Variants in DDX60 observed in about 807,000 individuals in gnomAD.
DDX60 encodes probable ATP-dependent RNA helicase DDX60.
Under a neutral mutation model 212.8 loss-of-function variants are expected in DDX60, and 165 were observed. That is an observed-to-expected ratio of 0.78 (90% confidence interval 0.68 to 0.88). The LOEUF (loss-of-function observed/expected upper bound fraction) is 0.88, where lower values mean the gene tolerates loss of function less well. Ranked by LOEUF, DDX60 falls within the 40% of genes least tolerant of loss-of-function variation. The probability of loss-of-function intolerance (pLI) is 0.00; values close to 1 mark genes in which losing one functional copy is unlikely to be tolerated. For synonymous variants in DDX60, 703 were observed against 685.3 expected (o/e 1.03, Z -0.40); for missense variants, 1,905 against 2,003.9 (o/e 0.95, Z 0.94).
At chr4:168,233,279 C>A (rs910894405) in intron 33 of DDX60, among the ~76,000 whole-genome samples, 12 of 152,128 alleles carry the variant, frequency 7.9e-5, no homozygotes, top group South Asian at 4.1e-4. Context: ...ACTAGTACAA[C>A]CACCAGGGAA....
chr4:168,223,832 A>T (rs11725989), intron 35 of DDX60, among the ~76,000 whole-genome samples: 8,840 of 152,138 alleles, frequency 0.058, 447 homozygotes, highest in East Asian at 0.15. Context: ...CATTCAAATG[A>T]ATTAGCCAGG....
rs767997929 is a variant in DDX60 at position 168,285,497 on chromosome 4, G to A, written c.1341C>T (p.Asp447=). 1 of 1,594,262 alleles carries A rather than the reference G, an allele frequency of 6.3e-7. No individual in the cohort carries two copies. The highest frequency in any genetic ancestry group is 8.5e-7 in the Non-Finnish European group (1 of 1,171,326). ...FLEKKPSPIK[D]SSNEMVPNLG... ...AATTGGGCACCATTTCATTGGAGCT[G>A]TCTGTAAACAAACAAAAAAAAATTG... Residue 447 remains aspartate (D), a splice_region_variant and synonymous_variant, in exon 11 of 38, where the codon GAC becomes GAT. Coordinates refer to ENST00000393743, the MANE Select transcript of DDX60 (RefSeq NM_017631.6).
chr4:168,267,270 A>G (rs1360392475), intron 22 of DDX60, among the ~76,000 whole-genome samples: 3 of 152,204 alleles, frequency 2.0e-5, no homozygotes, highest in Admixed American at 6.5e-5. Context: ...AGAGGGGTAG[A>G]CAGACAGACA....
rs140215594 is a variant in DDX60 at position 168,218,121 on chromosome 4, A to T, written c.5040-1089T>A. On this transcript the variant is annotated intron_variant, in intron 37 of 37. Coordinates refer to ENST00000393743, the MANE Select transcript of DDX60 (RefSeq NM_017631.6). ...TATTATTTGCCCCTACCTTGTTTCC[A>T]CTAGAGTTCCAGTTATTTTCGAGTG... Among the ~76,000 whole-genome samples the T allele has an allele frequency of 9.9e-5, 15 of 152,246 alleles. No individual in the cohort carries two copies. The East Asian group carries it at 2.3e-3, about 24-fold the overall frequency.
chr4:168,273,111 C>T (rs11725832), intron 18 of DDX60, among the ~76,000 whole-genome samples, 168 bp downstream of exon 18: 2,612 of 152,270 alleles, frequency 0.017, 126 homozygotes, highest in East Asian at 0.14. Context: ...CTAGTTCTCA[C>T]TCTTTGAAAT....
At chr4:168,315,103 T>C (rs187689266) in intron 1 of DDX60, among the ~76,000 whole-genome samples, 91 of 152,302 alleles carry the variant, frequency 6.0e-4, no homozygotes, top group African/African-American at 2.1e-3. Context: ...AGACAAGGTA[T>C]TTACCATCTC....
intron 19 of DDX60, among the ~76,000 whole-genome samples, chr4:168,269,315 T>C (rs886127979): frequency 6.6e-6 from 1 of 152,136 alleles, no homozygotes; most frequent in African/African-American, 2.4e-5. Flanking sequence ...AATAAAAATG[T>C]TGGCCGGGCA....
rs780709243 is a variant in DDX60 at position 168,246,442 on chromosome 4, A to G, written c.4140T>C (p.Asp1380=). The change falls in exon 30 of 38, where the codon GAT becomes GAC. Residue 1380 remains aspartate, a synonymous_variant. Transcript: ENST00000393743. ...CCTTTGCCTTGGCATCCTCTGGGTC[A>G]TCTCCCTTGGAAGCCAGCAGCATGA... ...LRLMLLASKG[D]DPEDAKAKVL... 7 of 1,614,002 alleles carry G rather than the reference A, an allele frequency of 4.3e-6. No homozygotes were observed. The highest frequency in any genetic ancestry group is 5.1e-6 in the Non-Finnish European group (6 of 1,179,970).
chr4:168,297,390 A>C (rs1736447601), intron 6 of DDX60, among the ~76,000 whole-genome samples: 5 of 129,914 alleles, frequency 3.8e-5, no homozygotes, highest in African/African-American at 6.3e-5. Flanking sequence ...AAGAGAAAGA[A>C]AGAAAGAAAG....
intron 6 of DDX60, among the ~76,000 whole-genome samples, chr4:168,297,323 AAAG>A (rs1736411815): frequency 5.6e-5 from 4 of 72,024 alleles, no homozygotes; most frequent in Admixed American, 5.2e-4. Flanking sequence ...AGAAAGAAAG[AAAG>A]AAAGAAAGAA....
chr4:168,280,568 G>A lies in DDX60; in HGVS notation c.1745C>T (p.Ala582Val), dbSNP rs755921950. The A allele has an allele frequency of 3.7e-6, 6 of 1,611,944 alleles. No individual in the cohort carries two copies. Among genetic ancestry groups the A allele is most frequent in the Non-Finnish European group, 4.2e-6 (5 of 1,179,490 alleles). ...KAHETKAEII[A>V]RENKKRLFAR... The stretch of plus-strand genomic sequence containing the variant: ...AAATAACCTTTTCTTATTCTCTCTA[G>A]CAATTATTTCAGCCTTGGTCTCCTG... The change falls in exon 14 of 38, where the codon GCT (alanine) becomes GTT (valine). Residue 582 changes from alanine (A) to valine (V), a missense_variant. By Grantham distance (64) the Ala-to-Val change is moderately conservative. Transcript: ENST00000393743.
chr4:168,257,735 A>G (rs1306807539), intron 25 of DDX60, among the ~76,000 whole-genome samples: 1 of 152,216 alleles, frequency 6.6e-6, no homozygotes, highest in African/African-American at 2.4e-5. Flanking sequence ...CAAAGAAAAA[A>G]TATCTCCAAA....
chr4:168,240,757 G>A (rs1733808632), intron 30 of DDX60, among the ~76,000 whole-genome samples: 1 of 152,204 alleles, frequency 6.6e-6, no homozygotes, highest in East Asian at 1.9e-4. Context: ...AATGGAACTG[G>A]ATCCTATCCT....
At position 168,224,327 on chromosome 4, in the gene DDX60, C is replaced by A. The variant is rs1275814530; in HGVS notation, c.4740G>T (p.Lys1580Asn). ...SQLVSHLMSCKEGRVAISPFV... is the reference protein window; with the variant it reads ...SQLVSHLMSCNEGRVAISPFV... Reference sequence around the variant, plus strand: ...ATGGTGAAATTGCTACTCTTCCTTCCTTGCAGCTCATCAAATGAGATACGA... The same window carrying A: ...ATGGTGAAATTGCTACTCTTCCTTCATTGCAGCTCATCAAATGAGATACGA... Residue 1580 changes from lysine to asparagine, a missense_variant, in exon 35 of 38, where the codon AAG becomes AAT. Coordinates refer to ENST00000393743, the MANE Select transcript of DDX60 (RefSeq NM_017631.6). The A allele has an allele frequency of 6.2e-7, 1 of 1,612,188 alleles. No homozygotes were observed. The highest frequency in any genetic ancestry group is 1.7e-5 in the Admixed American group (1 of 59,838).
At chr4:168,239,540 C>T (rs1301177734) in intron 30 of DDX60, among the ~76,000 whole-genome samples, 2 of 152,116 alleles carry the variant, frequency 1.3e-5, no homozygotes, top group East Asian at 1.9e-4. Context: ...GAATAAGGAA[C>T]ATTGTCAATG....
chr4:168,255,681 A>G, intron 26 of DDX60, 30 bp downstream of exon 26: 1 of 1,543,396 alleles, frequency 6.5e-7, no homozygotes, highest in Non-Finnish European at 8.7e-7. Flanking sequence ...TTAACCCTCT[A>G]CTTATCAATT....
chr4:168,277,549 A>G (rs770641411), intron 14 of DDX60, among the ~76,000 whole-genome samples: 31 of 152,042 alleles, frequency 2.0e-4, no homozygotes, highest in Non-Finnish European at 3.2e-4. Flanking sequence ...ATTAAATGAA[A>G]ATTCCAGGCC....
chr4:168,248,316 CT>C, intron 28 of DDX60, 24 bp from the exon 29 acceptor site: 1 of 1,515,330 alleles, frequency 6.6e-7, no homozygotes, highest in South Asian at 1.2e-5. Flanking sequence ...AAAACAATTA[CT>C]TCATAAAATA....
In DDX60 at chr4:168,259,392, T is replaced by C. The variant is rs550829073; in HGVS notation, c.3398+1473A>G. Among the ~76,000 whole-genome samples the C allele has an allele frequency of 2.3e-4, 35 of 152,310 alleles. 1 individual carries two copies. Among genetic ancestry groups the C allele is most frequent in the African/African-American group, 7.7e-4 (32 of 41,564 alleles). On this transcript the variant is annotated intron_variant, in intron 25 of 37. Coordinates refer to ENST00000393743, the MANE Select transcript of DDX60 (RefSeq NM_017631.6). ...GGTGAGCTTTGTAAATCCTTGGCAGTGCAGAAATGTATTTTCCTTATCCCA... is the reference window on the plus strand; with the variant it reads ...GGTGAGCTTTGTAAATCCTTGGCAGCGCAGAAATGTATTTTCCTTATCCCA...
Sources: gnomAD v4.1 joint callset for allele counts (sites outside exome capture counted in the v4.1 genomes callset) on GRCh38, gnomAD v4.1.1 for gene constraint, MANE v1.5 for transcripts, NCBI Gene and HGNC (gene_info 2026-07-23, HGNC 2026-07-21) for gene names.